TNXB: variants seen among roughly 807,000 people sequenced by gnomAD.
TNXB encodes the protein tenascin XB.
A neutral mutation model predicts 340.5 loss-of-function variants in TNXB; 183 were observed. That is an observed-to-expected ratio of 0.54 (90% CI 0.48 to 0.61). TNXB has a LOEUF of 0.61. Among genes scored for constraint, TNXB ranks in the 20% least tolerant of loss-of-function variants. The pLI is 0.00. For synonymous variants in TNXB, 2,121 were observed against 2,314.5 expected (o/e 0.92, Z 2.40); for missense variants, 4,613 against 5,446.4 (o/e 0.85, Z 4.82).
chr6:32,071,935 G>GA (rs769864617), intron 13 of TNXB, 55 bp downstream of exon 13: 27 of 1,458,978 alleles, frequency 1.9e-5, no homozygotes, highest in Non-Finnish European at 2.1e-5. Context: ...AGGGAGTGAA[G>GA]AGAAGGGTGG....
Position 32,087,001 on chromosome 6 carries a change from C to A in TNXB, c.2780-883G>T, listed in dbSNP as rs1256288644. ...ACAATCCTGGAAGTGTCCCGGGAAA[C>A]CCCAAAGAAGGCGCTGCCTTGACCT... On this transcript the variant is annotated intron_variant, in intron 6 of 43. Transcript: ENST00000644971. This position sits in a 1 kb window ranked among gnomAD's most constrained non-coding sequence, Gnocchi z 9.0. Among the ~76,000 whole-genome samples, 2 of 152,220 alleles carry A rather than the reference C, an allele frequency of 1.3e-5. No individual in the cohort carries two copies. Among genetic ancestry groups the A allele is most frequent in the Non-Finnish European group, 2.9e-5 (2 of 68,036 alleles).
Position 32,081,488 on chromosome 6 carries a change from C to T in TNXB, c.3922G>A (p.Ala1308Thr). The change falls in exon 10 of 44, where the codon GCG (alanine) becomes ACG (threonine). Residue 1308 changes from alanine (A) to threonine (T), a missense_variant. Physicochemically the swap from Ala to Thr is moderately conservative, Grantham distance 58. This residue lies in a region of TNXB where 4,327 missense variants were observed against 4,859.4 expected (regional missense o/e 0.89). Coordinates refer to ENST00000644971, the MANE Select transcript of TNXB (RefSeq NM_001365276.2). This position sits in a 1 kb window ranked among gnomAD's most constrained non-coding sequence, Gnocchi z 5.1. Reference protein sequence around the residue: ...AQGQPQAVPVAGDENEVTVPG... With the variant: ...AQGQPQAVPVTGDENEVTVPG... ...ACAGTAACCTCATTCTCATCCCCCG[C>T]AACAGGCACTGCCTGGGGCTGCCCC... The T allele has an allele frequency of 1.2e-6, 2 of 1,605,504 alleles. No individual in the cohort carries two copies. Among genetic ancestry groups the T allele is most frequent in the Non-Finnish European group, 1.7e-6 (2 of 1,176,070 alleles).
rs748363005 is a variant in TNXB, at chr6:32,069,562, C to T, written c.5578G>A (p.Ala1860Thr). Residue 1860 changes from alanine to threonine, a missense_variant, in exon 15 of 44, where the codon GCC becomes ACC. Coordinates refer to ENST00000644971, the MANE Select transcript of TNXB (RefSeq NM_001365276.2). The surrounding 1 kb of genome is among the most constrained non-coding windows in gnomAD (Gnocchi z 6.2). ...GKRVGPISAVAITAGREETET... is the reference protein window; with the variant it reads ...GKRVGPISAVTITAGREETET... Reference sequence around the variant, plus strand: ...GCTGCCGCACACTCACCAGTAATGGCGACGGCCGAGATGGGGCCCACACGC... The same window carrying T: ...GCTGCCGCACACTCACCAGTAATGGTGACGGCCGAGATGGGGCCCACACGC... The T allele has an allele frequency of 1.7e-5, 27 of 1,567,472 alleles. No individual in the cohort carries two copies. Among genetic ancestry groups the T allele is most frequent in the South Asian group, 4.7e-5 (4 of 84,962 alleles).
In TNXB at chr6:32,083,123, C is replaced by T. The variant is rs144382166; in HGVS notation, c.3446-797G>A. On this transcript the variant is annotated intron_variant, in intron 8 of 43. Transcript: ENST00000644971. The surrounding 1 kb of genome is among the most constrained non-coding windows in gnomAD (Gnocchi z 4.6). ...CCTTGCCATTGCTAAATTCTGTGGA[C>T]GCTCCGTAGCCCTTGAATCACTGTT... Among the ~76,000 whole-genome samples the T allele has an allele frequency of 7.2e-3, 1,097 of 152,212 alleles. 16 individuals carry two copies. Among genetic ancestry groups the T allele is most frequent in the African/African-American group, 0.025 (1,038 of 41,484 alleles).
At chr6:32,099,946 T>TAGA (rs1554335656) in intron 1 of TNXB, among the ~76,000 whole-genome samples, 7 of 62,826 alleles carry the variant, frequency 1.1e-4, no homozygotes, top group African/African-American at 3.8e-4. Flanking sequence ...CATCCCTAAG[T>TAGA]AAAAAAAAAA....
intron 1 of TNXB, among the ~76,000 whole-genome samples, chr6:32,102,578 A>G (rs994754323): frequency 1.6e-5 from 1 of 63,192 alleles, no homozygotes; most frequent in Non-Finnish European, 4.2e-5. Context: ...CCAAAAAAAG[A>G]AAAAAGAAAA....
rs1777675484 is a variant in TNXB, at chr6:32,056,718, C to T, written c.8011G>A (p.Ala2671Thr). Residue 2671 changes from alanine (A) to threonine (T), a missense_variant, in exon 23 of 44, where the codon GCG becomes ACG. Coordinates refer to ENST00000644971, the MANE Select transcript of TNXB (RefSeq NM_001365276.2). ...TCCTCGTGCCCCGGCACCCGCACCG[C>T]CTTGGGCTGCCCATCCCCATTCCTG... Reference protein sequence around the residue: ...QYRNGDGQPKAVRVPGHEDGV... With the variant: ...QYRNGDGQPKTVRVPGHEDGV... 1 of 1,613,246 alleles carries T rather than the reference C, an allele frequency of 6.2e-7. No individual in the cohort carries two copies. Among genetic ancestry groups the T allele is most frequent in the Non-Finnish European group, 8.5e-7 (1 of 1,179,868 alleles).
chr6:32,086,190 GT>G, intron 6 of TNXB, 72 bp from the exon 7 acceptor site: 1 of 1,420,110 alleles, frequency 7.0e-7, no homozygotes. Context: ...CAGTCCCCAG[GT>G]TCTGCCCTCC....
Position 32,074,045 on chromosome 6 carries a change from G to T in TNXB, c.4376-93C>A. 1.6e-6 allele frequency: 2 copies of T among 1,233,006 alleles called. No homozygotes were observed. Among genetic ancestry groups the T allele is most frequent in the Non-Finnish European group, 1.1e-6 (1 of 919,728 alleles). 76.4% of individuals were successfully genotyped at this position (1,233,006 alleles called of 1,614,324 possible). ...TATTTATTTTTTATTTTTTATTTTT[G>T]AGATGGAGTCTCGCTGTCACCCAGA... On this transcript the variant is annotated intron_variant, in intron 11 of 43. Transcript: ENST00000644971. The surrounding 1 kb of genome is among the most constrained non-coding windows in gnomAD (Gnocchi z 5.5).
Position 32,097,554 on chromosome 6 carries a change from C to A in TNXB, c.404-105G>T. 1 of 1,363,772 alleles carries A rather than the reference C, an allele frequency of 7.3e-7. No homozygotes were observed. The highest frequency in any genetic ancestry group is 1.4e-5 in the South Asian group (1 of 69,814). 84.5% of individuals were successfully genotyped at this position (1,363,772 alleles called of 1,614,324 possible). ...GCCCCTAGCCAGGCTAGCCTCATCT[C>A]ATAAGGCCATGTCTGCTCCCAGTTG... is the stretch of plus-strand genomic sequence containing the variant. On this transcript the variant is annotated intron_variant, in intron 2 of 43. Coordinates refer to ENST00000644971, the MANE Select transcript of TNXB (RefSeq NM_001365276.2). This position sits in a 1 kb window ranked among gnomAD's most constrained non-coding sequence, Gnocchi z 5.9.
rs1777345812 is a variant in TNXB at position 32,052,587 on chromosome 6, G to C, written c.9115+83C>G. 1 of 1,539,748 alleles carries C rather than the reference G, an allele frequency of 6.5e-7. No homozygotes were observed. Among genetic ancestry groups the C allele is most frequent in the Non-Finnish European group, 8.8e-7 (1 of 1,131,582 alleles). On this transcript the variant is annotated intron_variant, in intron 26 of 43. Coordinates refer to ENST00000644971, the MANE Select transcript of TNXB (RefSeq NM_001365276.2). The surrounding 1 kb of genome is among the most constrained non-coding windows in gnomAD (Gnocchi z 4.7). ...TACACAAAGGAAGGAATACTCTTCA[G>C]AGTATGTTTTCACGAAGACTGGAGA...
chr6:32,045,962 A>G (rs1776838048), intron 31 of TNXB: 6 of 1,303,992 alleles, frequency 4.6e-6, no homozygotes, highest in Non-Finnish European at 5.9e-6. Context: ...AGCCCCTCCC[A>G]GGGCCTTTCC....
At chr6:32,054,047 T>C (rs1357625615) in intron 24 of TNXB, among the ~76,000 whole-genome samples, 1 of 152,138 alleles carries the variant, frequency 6.6e-6, no homozygotes. Flanking sequence ...ACTGGGCTTC[T>C]GTCTTTGCTC....
At chr6:32,099,517 T>G (rs988524288) in intron 1 of TNXB, among the ~76,000 whole-genome samples, 2 of 152,020 alleles carry the variant, frequency 1.3e-5, no homozygotes, top group Non-Finnish European at 2.9e-5. Context: ...CAGGCATGAG[T>G]CACCGCACGA....
intron 1 of TNXB, among the ~76,000 whole-genome samples, chr6:32,099,526 G>A (rs1202390479): frequency 6.6e-6 from 1 of 151,856 alleles, no homozygotes; most frequent in African/African-American, 2.4e-5. Flanking sequence ...GTCACCGCAC[G>A]ACCTCTTTCT....
At position 32,098,121 on chromosome 6, in the gene TNXB, G is replaced by T; in HGVS notation, c.78C>A (p.Phe26Leu). 6.3e-7 allele frequency: 1 copy of T among 1,598,006 alleles called. No homozygotes were observed. Among genetic ancestry groups the T allele is most frequent in the Non-Finnish European group, 8.5e-7 (1 of 1,171,328 alleles). ...GCAGTGTCACATTGGACCGTGAAGA[G>T]AAGGGGCCTGCTCTGGCTGTGCTCA... is the stretch of plus-strand genomic sequence containing the variant. ...VLLSTARAGP[F>L]SSRSNVTLPA... The change falls in exon 2 of 44, where the codon TTC becomes TTA. Residue 26 changes from phenylalanine (F) to leucine (L), a missense_variant. Physicochemically the swap from Phe to Leu is conservative, Grantham distance 22 (BLOSUM62 0). This residue lies in a region of TNXB where 4,327 missense variants were observed against 4,859.4 expected (regional missense o/e 0.89). Transcript: ENST00000644971.
In TNXB at chr6:32,080,446, G is replaced by A. The variant is rs559042431; in HGVS notation, c.4042+922C>T. 1.3e-5 allele frequency among the ~76,000 whole-genome samples: 2 copies of A among 152,262 alleles called. No individual in the cohort carries two copies. Among genetic ancestry groups the A allele is most frequent in the Admixed American group, 6.5e-5 (1 of 15,286 alleles). The stretch of plus-strand genomic sequence containing the variant: ...AGGATGGTCTCGATCTCCTGACCTC[G>A]TGATCCACCCGCCTTGGCCTCCCAA... On this transcript the variant is annotated intron_variant, in intron 10 of 43. Coordinates refer to ENST00000644971, the MANE Select transcript of TNXB (RefSeq NM_001365276.2). This position sits in a 1 kb window ranked among gnomAD's most constrained non-coding sequence, Gnocchi z 4.3.
In TNXB at chr6:32,087,151, G is replaced by A; in HGVS notation, c.2780-1033C>T. Reference sequence around the variant, plus strand: ...AGGTAGGGCCTGAAGGTAGAAGGGGGCAGTGGGGGGTGGCAGTGGGAGGAA... The same window carrying A: ...AGGTAGGGCCTGAAGGTAGAAGGGGACAGTGGGGGGTGGCAGTGGGAGGAA... On this transcript the variant is annotated intron_variant, in intron 6 of 43. Transcript: ENST00000644971. The surrounding 1 kb of genome is among the most constrained non-coding windows in gnomAD (Gnocchi z 9.0). 1 of 430,612 alleles carries A rather than the reference G, an allele frequency of 2.3e-6. No individual in the cohort carries two copies. The highest frequency in any genetic ancestry group is 1.7e-5 in the South Asian group (1 of 59,396). 26.7% of individuals were successfully genotyped at this position (430,612 alleles called of 1,614,324 possible). A position where few individuals can be genotyped will look rare whatever the true frequency, so the allele number is the denominator to read the frequency against.
rs17207902 is a variant in TNXB at position 32,061,592 on chromosome 6, C to T, written c.7297G>A (p.Val2433Ile). The T allele has an allele frequency of 2.6e-3, 4,131 of 1,613,170 alleles. 19 individuals are homozygous for T. Among genetic ancestry groups the T allele is most frequent in the African/African-American group, 0.015 (1,152 of 74,986 alleles). Residue 2433 changes from valine to isoleucine, a missense_variant, in exon 21 of 44, where the codon GTC becomes ATC. Val to Ile is a conservative substitution (Grantham distance 29). Coordinates refer to ENST00000644971, the MANE Select transcript of TNXB (RefSeq NM_001365276.2). This position sits in a 1 kb window ranked among gnomAD's most constrained non-coding sequence, Gnocchi z 4.4. ...AAGGAGTCGAAGCGGCCCTGGGGGA[C>T]GGTCCAGGAGAGGCTCAGCGAGTCA... is the stretch of plus-strand genomic sequence containing the variant. ...SPDSLSLSWT[V>I]PQGRFDSFTV... is the part of the protein sequence containing the mutation.
Sources: allele counts gnomAD v4.1 joint callset (sites outside exome capture counted in the v4.1 genomes callset), GRCh38; gene constraint gnomAD v4.1.1; regional missense constraint gnomAD v4.1.1; non-coding constraint Gnocchi (gnomAD v3.1); transcripts MANE v1.5; gene names NCBI Gene and HGNC (gene_info 2026-07-23, HGNC 2026-07-21).